The following ATP8A1 variants were observed in gnomAD, a reference collection of about 807,000 sequenced individuals.
ATP8A1 encodes phospholipid-transporting ATPase IA.
Under a neutral mutation model 177.7 loss-of-function variants are expected in ATP8A1, and 90 were observed. The ratio of observed to expected loss-of-function variants is 0.51; its 90% CI spans 0.43 to 0.60. The LOEUF (loss-of-function observed/expected upper bound fraction) is 0.60. Ranked by LOEUF, ATP8A1 falls within the 20% of genes least tolerant of loss-of-function variation. The pLI is 0.00. For synonymous variants in ATP8A1, 493 were observed against 485.9 expected (o/e 1.01, Z -0.19); for missense variants, 1,072 against 1,392.8 (o/e 0.77, Z 3.67).
At position 42,586,283 on chromosome 4, in the gene ATP8A1, A is replaced by C. The variant is rs986623255; in HGVS notation, c.722+66T>G. 6 of 1,556,352 alleles carry C rather than the reference A, an allele frequency of 3.9e-6. No individual in the cohort carries two copies. In the African/African-American group the frequency reaches 8.2e-5, roughly 21 times the overall value. ...AAGAAGATAATATGTATCCAGACTT[A>C]GAAGACACAGCAATACTCTATGACA... On this transcript the variant is annotated intron_variant, in intron 9 of 36. Transcript: ENST00000381668.
chr4:42,647,654 T>A (rs1236313280), intron 1 of ATP8A1, among the ~76,000 whole-genome samples: 1 of 151,998 alleles, frequency 6.6e-6, no homozygotes, highest in Non-Finnish European at 1.5e-5. Context: ...AGCTGCTTGA[T>A]TGTGGCTCAC....
intron 16 of ATP8A1, among the ~76,000 whole-genome samples, chr4:42,552,981 G>A (rs529560874): frequency 8.5e-5 from 13 of 152,116 alleles, no homozygotes; most frequent in Non-Finnish European, 1.8e-4. Flanking sequence ...GTGAGACTCC[G>A]TCTCAAAACA....
At chr4:42,480,202 T>C (rs1003796144) in intron 25 of ATP8A1, among the ~76,000 whole-genome samples, 5 of 152,168 alleles carry the variant, frequency 3.3e-5, no homozygotes, top group South Asian at 2.1e-4. Flanking sequence ...AATTGGCTAA[T>C]AGGCTGTAAT....
chr4:42,567,035 G>C (rs1041716128), intron 15 of ATP8A1, among the ~76,000 whole-genome samples: 2 of 152,178 alleles, frequency 1.3e-5, no homozygotes, highest in African/African-American at 4.8e-5. Context: ...TCCAGATGAG[G>C]ACATTCAGGC....
At chr4:42,561,805 T>G (rs1196629110) in intron 15 of ATP8A1, 2 of 152,290 alleles carry the variant, frequency 1.3e-5, no homozygotes, top group African/African-American at 4.8e-5. Flanking sequence ...ACCTAAAAAC[T>G]GCTCCTAGCT....
intron 35 of ATP8A1, among the ~76,000 whole-genome samples, chr4:42,419,565 G>C (rs1713628141): frequency 6.6e-6 from 1 of 152,174 alleles, no homozygotes; most frequent in African/African-American, 2.4e-5. Context: ...TAGTCTGTAA[G>C]AAGGGGCTCC....
chr4:42,441,403 A>T (rs1288323048), intron 33 of ATP8A1, among the ~76,000 whole-genome samples: 5 of 152,136 alleles, frequency 3.3e-5, no homozygotes, highest in Non-Finnish European at 7.4e-5. Context: ...GAATTTTAAG[A>T]TTAGAAAAAT....
At chr4:42,569,627 C>G (rs565503018) in intron 14 of ATP8A1, among the ~76,000 whole-genome samples, 1 of 152,184 alleles carries the variant, frequency 6.6e-6, no homozygotes, top group East Asian at 1.9e-4. Flanking sequence ...TAAAATTTGT[C>G]AAATACATTT....
chr4:42,588,335 G>A lies in ATP8A1; in HGVS notation c.525-6C>T, dbSNP rs1733833423. 1.2e-6 allele frequency: 2 copies of A among 1,611,936 alleles called. No homozygotes were observed. Among genetic ancestry groups the A allele is most frequent in the African/African-American group, 1.3e-5 (1 of 74,852 alleles). Reference sequence around the variant, plus strand: ...AGCACATGGCTTGGGGCTCACTGTAGTTTGGAGTTGAGAAGCACAAAGATT... The same window carrying A: ...AGCACATGGCTTGGGGCTCACTGTAATTTGGAGTTGAGAAGCACAAAGATT... On this transcript the variant is annotated splice_region_variant and splice_polypyrimidine_tract_variant and intron_variant, in intron 7 of 36. Coordinates refer to ENST00000381668, the MANE Select transcript of ATP8A1 (RefSeq NM_006095.2).
intron 1 of ATP8A1, among the ~76,000 whole-genome samples, chr4:42,638,638 A>ATTTC (rs1455850651): frequency 1.3e-5 from 2 of 152,356 alleles, no homozygotes; most frequent in Admixed American, 6.5e-5. Context: ...AACCAGAACA[A>ATTTC]TGAAAGACAG....
intron 15 of ATP8A1, among the ~76,000 whole-genome samples, chr4:42,560,297 G>A (rs1281715037): frequency 2.0e-5 from 3 of 152,078 alleles, no homozygotes; most frequent in African/African-American, 7.2e-5. Flanking sequence ...GGGAAATGGA[G>A]GGCTCTAAGA....
chr4:42,464,597 A>G (rs1719528952), intron 27 of ATP8A1, 93 bp downstream of exon 27: 1 of 709,136 alleles, frequency 1.4e-6, no homozygotes, highest in Non-Finnish European at 2.3e-6. Context: ...CAAATAAAAT[A>G]TTAATTAAAA....
chr4:42,503,352 C>A (rs1724040113), intron 24 of ATP8A1, 98 bp downstream of exon 24: 3 of 705,410 alleles, frequency 4.3e-6, no homozygotes, highest in African/African-American at 3.7e-5. Context: ...TACCTTGAAC[C>A]ACAGAAAGAT....
rs114603235 is a variant in ATP8A1 at position 42,605,578 on chromosome 4, G to A, written c.410-5060C>T. On this transcript the variant is annotated intron_variant, in intron 5 of 36. Transcript: ENST00000381668. ...GCCAGTGGCACTTACATGGAAAACC[G>A]CCTCCAAATCTGCTGCACTTCTGCC... 3.0e-3 allele frequency among the ~76,000 whole-genome samples: 456 copies of A among 152,220 alleles called. 5 individuals are homozygous for A. The highest frequency in any genetic ancestry group is 0.01 in the African/African-American group (434 of 41,530).
At chr4:42,501,234 GC>G (rs1262169040) in intron 24 of ATP8A1, among the ~76,000 whole-genome samples, 1 of 152,188 alleles carries the variant, frequency 6.6e-6, no homozygotes, top group East Asian at 1.9e-4. Flanking sequence ...TGATCACTAT[GC>G]AAAACAACTT....
intron 8 of ATP8A1, 78 bp downstream of exon 8, chr4:42,588,182 A>G: frequency 7.9e-7 from 1 of 1,269,278 alleles, no homozygotes; most frequent in Admixed American, 1.9e-5. Flanking sequence ...AGTTCAAGAC[A>G]ATAACACAAA....
chr4:42,657,097 C>G lies in ATP8A1; in HGVS notation c.-224G>C. Reference sequence around the variant, plus strand: ...AGGTGGCGGCGCCCGCAGAGCTGGGCGAGCTCTTGCTGCAGCCGCGGAGGG... The same window carrying G: ...AGGTGGCGGCGCCCGCAGAGCTGGGGGAGCTCTTGCTGCAGCCGCGGAGGG... On this transcript the variant is annotated 5_prime_UTR_variant, in exon 1 of 37. Coordinates refer to ENST00000381668, the MANE Select transcript of ATP8A1 (RefSeq NM_006095.2). 5.1e-6 allele frequency: 2 copies of G among 388,620 alleles called. No individual in the cohort carries two copies. The highest frequency in any genetic ancestry group is 8.8e-6 in the Non-Finnish European group (2 of 227,522). The allele number at this position is 388,620 out of a possible 1,614,324, so 24.1% of individuals were successfully genotyped here.
chr4:42,416,669 A>C lies in ATP8A1; in HGVS notation c.3306-1951T>G, dbSNP rs545764839. On this transcript the variant is annotated intron_variant, in intron 35 of 36. Coordinates refer to ENST00000381668, the MANE Select transcript of ATP8A1 (RefSeq NM_006095.2). ...TTTAATTTTGCGTTGGCTGCTTATT[A>C]GCTGGGTCACCACAGGCAAGCTTTT... Among the ~76,000 whole-genome samples the C allele has an allele frequency of 9.2e-5, 14 of 152,244 alleles. No homozygotes were observed. In the South Asian group the frequency reaches 2.9e-3, roughly 32 times the overall value.
At chr4:42,584,204 G>T (rs766809885) in intron 9 of ATP8A1, among the ~76,000 whole-genome samples, 1 of 152,130 alleles carries the variant, frequency 6.6e-6, no homozygotes, top group Non-Finnish European at 1.5e-5. Context: ...CATTTAGTTG[G>T]CCACTACAAT....
Sources: gnomAD v4.1 joint callset for allele counts (sites outside exome capture counted in the v4.1 genomes callset) on GRCh38, gnomAD v4.1.1 for gene constraint, MANE v1.5 for transcripts, NCBI Gene and HGNC (gene_info 2026-07-23, HGNC 2026-07-21) for gene names.